AAK1: variants seen among roughly 807,000 people sequenced by gnomAD.
AAK1 encodes the protein AP2-associated protein kinase 1.
AAK1 carries 37 observed loss-of-function variants against 116.0 expected under a neutral mutation model. The ratio of observed to expected loss-of-function variants is 0.32; its 90% CI spans 0.25 to 0.42. The LOEUF (loss-of-function observed/expected upper bound fraction) is 0.42. AAK1 is among the 10% of genes least tolerant of loss of function. The pLI is 1.00. For synonymous variants in AAK1, 458 were observed against 439.9 expected, an observed-to-expected ratio of 1.04 and a Z score of -0.51; for missense variants, 919 against 1,170.6, an observed-to-expected ratio of 0.79 and a Z score of 3.14.
At chr2:69,479,281 G>A (rs1008139921) in intron 19 of AAK1, among the ~76,000 whole-genome samples, 2 of 152,038 alleles carry the variant, frequency 1.3e-5, no homozygotes, top group African/African-American at 4.8e-5. Flanking sequence ...GCATTTACAC[G>A]TTACACATAC....
At chr2:69,566,540 G>A (rs958673870) in intron 2 of AAK1, among the ~76,000 whole-genome samples, 9 of 152,154 alleles carry the variant, frequency 5.9e-5, no homozygotes, top group Non-Finnish European at 8.8e-5. Context: ...GGTTGTGGAG[G>A]TGGTACAGAA....
chr2:69,472,505 C>A lies in AAK1; in HGVS notation c.*3364G>T, dbSNP rs1674712949. The A allele has an allele frequency of 1.5e-6, 1 of 658,200 alleles. No homozygotes were observed. The highest frequency in any genetic ancestry group is 1.9e-6 in the Non-Finnish European group (1 of 531,562). 40.8% of individuals were successfully genotyped at this position (658,200 alleles called of 1,614,324 possible). On this transcript the variant is annotated 3_prime_UTR_variant, in exon 22 of 22. Coordinates refer to ENST00000409085, the MANE Select transcript of AAK1 (RefSeq NM_014911.5). ...TAAAACTAGATGACATTGAGGGGAACAACACTTAATTAGATGTCAAAATTC... is the reference window on the plus strand; with the variant it reads ...TAAAACTAGATGACATTGAGGGGAAAAACACTTAATTAGATGTCAAAATTC...
At position 69,530,636 on chromosome 2, in the gene AAK1, C is replaced by T. The variant is rs1670217430; in HGVS notation, c.727G>A (p.Ala243Thr). 3 of 1,613,462 alleles carry T rather than the reference C, an allele frequency of 1.9e-6. No homozygotes were observed. In the East Asian group the frequency reaches 6.7e-5, roughly 36 times the overall value. The change falls in exon 7 of 22, where the codon GCA becomes ACA. Residue 243 changes from alanine (A) to threonine (T), a missense_variant. This residue lies in a region of AAK1 where 317 missense variants were observed against 490.4 expected (regional missense o/e 0.65). Coordinates refer to ENST00000409085, the MANE Select transcript of AAK1 (RefSeq NM_014911.5). ...LYSGKIITTK[A>T]DIWALGCLLY... ...TACCTGACACCTACCCAAATGTCTG[C>T]CTTCGTAGTGATGATTTTGCCACTG...
At chr2:69,571,420 A>T (rs1672090520) in intron 2 of AAK1, among the ~76,000 whole-genome samples, 1 of 152,106 alleles carries the variant, frequency 6.6e-6, no homozygotes, top group African/African-American at 2.4e-5. Flanking sequence ...CACCCACAAA[A>T]TCTAGCTTCA....
chr2:69,469,383 G>A lies in AAK1; in HGVS notation c.*6486C>T. On this transcript the variant is annotated 3_prime_UTR_variant, in exon 22 of 22. Coordinates refer to ENST00000409085, the MANE Select transcript of AAK1 (RefSeq NM_014911.5). ...AGGTAACCATTAAATCTTGTTGGCAGATAAAAGTCTTTTTTTGAGTATGTG... is the reference window on the plus strand; with the variant it reads ...AGGTAACCATTAAATCTTGTTGGCAAATAAAAGTCTTTTTTTGAGTATGTG... 1 of 985,446 alleles carries A rather than the reference G, an allele frequency of 1.0e-6. No homozygotes were observed. Among genetic ancestry groups the A allele is most frequent in the Non-Finnish European group, 1.2e-6 (1 of 829,928 alleles). 61.0% of individuals were successfully genotyped at this position (985,446 alleles called of 1,614,324 possible). A position where few individuals can be genotyped will look rare whatever the true frequency, so the allele number is the denominator to read the frequency against.
chr2:69,486,317 A>T (rs1209412262), intron 17 of AAK1, among the ~76,000 whole-genome samples: 1 of 152,164 alleles, frequency 6.6e-6, no homozygotes, highest in Non-Finnish European at 1.5e-5. Flanking sequence ...AGGGTAAAGA[A>T]GTACATGAGT....
intron 17 of AAK1, among the ~76,000 whole-genome samples, chr2:69,488,917 C>A (rs1477520393): frequency 6.6e-6 from 1 of 151,964 alleles, no homozygotes; most frequent in Non-Finnish European, 1.5e-5. Flanking sequence ...ACTGACCAGG[C>A]GCAGTGGCTC....
chr2:69,635,085 C>T (rs560122470), intron 2 of AAK1, among the ~76,000 whole-genome samples: 1 of 152,216 alleles, frequency 6.6e-6, no homozygotes, highest in Non-Finnish European at 1.5e-5. Context: ...AATTGATACC[C>T]AGAATATACA....
chr2:69,592,658 T>A (rs1311755428), intron 2 of AAK1, among the ~76,000 whole-genome samples: 1 of 152,170 alleles, frequency 6.6e-6, no homozygotes. Context: ...ACAAAGTTAG[T>A]GGCAAGTGAA....
intron 2 of AAK1, among the ~76,000 whole-genome samples, chr2:69,607,710 G>C (rs898262625): frequency 9.2e-5 from 14 of 152,110 alleles, no homozygotes; most frequent in African/African-American, 3.4e-4. Context: ...TAAGAGTAAT[G>C]ATACAAGAGA....
chr2:69,626,563 G>A (rs551932573), intron 2 of AAK1, among the ~76,000 whole-genome samples: 50 of 150,538 alleles, frequency 3.3e-4, no homozygotes, highest in African/African-American at 1.1e-3. Context: ...GAGGTGGCGC[G>A]ATCACAGCTC....
At chr2:69,599,379 T>TAAAA (rs34685588) in intron 2 of AAK1, among the ~76,000 whole-genome samples, 1,634 of 103,500 alleles carry the variant, frequency 0.016, 31 homozygotes, top group African/African-American at 0.047. Flanking sequence ...TAGTTCTGTG[T>TAAAA]AAAAAAAAAA....
intron 2 of AAK1, chr2:69,594,633 A>C: frequency 1.9e-6 from 1 of 527,328 alleles, no homozygotes; most frequent in Non-Finnish European, 3.4e-6. Context: ...CTTGTACCAA[A>C]CAGTTAGCCA....
chr2:69,615,192 G>A (rs1398330622), intron 2 of AAK1, among the ~76,000 whole-genome samples: 2 of 152,100 alleles, frequency 1.3e-5, no homozygotes, highest in African/African-American at 4.8e-5. Flanking sequence ...ATGCCCATTG[G>A]TGCTGTCCTT....
At chr2:69,590,680 A>G (rs1672991134) in intron 2 of AAK1, among the ~76,000 whole-genome samples, 1 of 152,246 alleles carries the variant, frequency 6.6e-6, no homozygotes, top group Non-Finnish European at 1.5e-5. Flanking sequence ...GAATCCCAAT[A>G]TCAATACATA....
rs1336069097 is a variant in AAK1, at chr2:69,462,334, A to G, written c.*13535T>C. The G allele has an allele frequency of 2.0e-5, 3 of 151,644 alleles. No homozygotes were observed. Among genetic ancestry groups the G allele is most frequent in the South Asian group, 4.2e-4 (2 of 4,798 alleles). 9.4% of individuals were successfully genotyped at this position (151,644 alleles called of 1,614,324 possible). On this transcript the variant is annotated 3_prime_UTR_variant, in exon 22 of 22. Transcript: ENST00000409085. Reference sequence around the variant, plus strand: ...GTATACATATGTAACTAACCTGCACATTGTGCACATGTACCCTAAAACTTA... The same window carrying G: ...GTATACATATGTAACTAACCTGCACGTTGTGCACATGTACCCTAAAACTTA...
intron 2 of AAK1, among the ~76,000 whole-genome samples, chr2:69,565,037 T>G (rs752480121): frequency 1.3e-5 from 2 of 152,184 alleles, no homozygotes; most frequent in Non-Finnish European, 2.9e-5. Context: ...CAAACCCAAA[T>G]GCCTGAAGAG....
chr2:69,561,703 C>T (rs1210010257), intron 2 of AAK1, among the ~76,000 whole-genome samples: 1 of 152,150 alleles, frequency 6.6e-6, no homozygotes, highest in African/African-American at 2.4e-5. Flanking sequence ...ACAGCCAATC[C>T]ATCACTGCAG....
chr2:69,587,694 G>C (rs1022831874), intron 2 of AAK1, among the ~76,000 whole-genome samples: 19 of 151,928 alleles, frequency 1.3e-4, no homozygotes, highest in African/African-American at 4.4e-4. Context: ...TTGAACTCCT[G>C]ACCTCAGGTG....
Sources: gnomAD v4.1 joint callset for allele counts (sites outside exome capture counted in the v4.1 genomes callset) on GRCh38, gnomAD v4.1.1 for gene constraint, gnomAD v4.1.1 regional missense constraint, MANE v1.5 for transcripts, NCBI Gene and HGNC (gene_info 2026-07-23, HGNC 2026-07-21) for gene names.